ASIC2: variants seen among roughly 807,000 people sequenced by gnomAD.
ASIC2 encodes the protein acid sensing ion channel subunit 2.
In ASIC2, 25 loss-of-function variants were observed where a neutral mutation model predicts 57.3. The ratio of observed to expected loss-of-function variants is 0.44; its 90% confidence interval spans 0.32 to 0.61. The LOEUF is 0.61. ASIC2 is among the 20% of genes least tolerant of loss of function. The probability of loss-of-function intolerance (pLI) is 0.06; values close to 1 mark genes in which losing one functional copy is unlikely to be tolerated. For synonymous variants in ASIC2, 319 were observed against 307.5 expected (o/e 1.04, Z -0.39); for missense variants, 641 against 738.1 (o/e 0.87, Z 1.52).
chr17:33,440,596 A>G lies in ASIC2; in HGVS notation c.556-328529T>C, dbSNP rs79240617. 5.1e-3 allele frequency among the ~76,000 whole-genome samples: 772 copies of G among 152,272 alleles called. 25 individuals are homozygous for G. Among genetic ancestry groups the G allele is most frequent in the East Asian group, 0.046 (241 of 5,186 alleles). ...CCACCAGCAAAGAAAGAGGGTTCCA[A>G]TTTCTTCATATCCTCATCAACACGA... On this transcript the variant is annotated intron_variant, in intron 1 of 9. Transcript: ENST00000359872.
At chr17:33,585,841 A>G (rs1326391043) in intron 1 of ASIC2, among the ~76,000 whole-genome samples, 3 of 152,108 alleles carry the variant, frequency 2.0e-5, no homozygotes, top group African/African-American at 7.2e-5. Context: ...CTTTTACTTT[A>G]TTACATATAT....
chr17:33,350,168 G>A (rs1414932382), intron 1 of ASIC2, among the ~76,000 whole-genome samples: 1 of 152,136 alleles, frequency 6.6e-6, no homozygotes, highest in East Asian at 1.9e-4. Flanking sequence ...ATATGACTGA[G>A]GTGCTATGCC....
chr17:33,492,624 C>A (rs1329033253), intron 1 of ASIC2, among the ~76,000 whole-genome samples: 2 of 152,086 alleles, frequency 1.3e-5, no homozygotes, highest in African/African-American at 4.8e-5. Flanking sequence ...AACAGTTGGC[C>A]CTGAGTAATT....
intron 1 of ASIC2, among the ~76,000 whole-genome samples, chr17:33,331,676 A>C (rs559325146): frequency 6.6e-6 from 1 of 152,360 alleles, no homozygotes; most frequent in East Asian, 1.9e-4. Flanking sequence ...CCATATGTTA[A>C]AAAGAGTAGC....
chr17:33,664,531 A>C (rs1046759184), intron 1 of ASIC2, among the ~76,000 whole-genome samples: 3 of 152,206 alleles, frequency 2.0e-5, no homozygotes, highest in Non-Finnish European at 4.4e-5. Context: ...CTCTGATCTA[A>C]AAATGTAAAA....
At chr17:33,360,883 T>C (rs1191834987) in intron 1 of ASIC2, among the ~76,000 whole-genome samples, 1 of 152,192 alleles carries the variant, frequency 6.6e-6, no homozygotes, top group Non-Finnish European at 1.5e-5. Flanking sequence ...CCCTTGCTTT[T>C]AACCAGCTCA....
rs537057630 is a variant in ASIC2 at position 33,873,764 on chromosome 17, G to A, written c.555+282214C>T. Among the ~76,000 whole-genome samples, 102 of 152,298 alleles carry A rather than the reference G, an allele frequency of 6.7e-4. No homozygotes were observed. The South Asian group carries it at 1.0e-2, about 15-fold the overall frequency. ...TTGTGCATAGTTCATCCCACCCCCAGGTACTAGTGATACCTCCAGAGAGAA... is the reference window on the plus strand; with the variant it reads ...TTGTGCATAGTTCATCCCACCCCCAAGTACTAGTGATACCTCCAGAGAGAA... On this transcript the variant is annotated intron_variant, in intron 1 of 9. Transcript: ENST00000359872.
At chr17:33,698,624 T>C (rs563422066) in intron 1 of ASIC2, among the ~76,000 whole-genome samples, 63 of 152,262 alleles carry the variant, frequency 4.1e-4, no homozygotes, top group Non-Finnish European at 6.6e-4. Flanking sequence ...GGTAACTAAA[T>C]TGGGGTGAAT....
intron 1 of ASIC2, among the ~76,000 whole-genome samples, chr17:33,210,740 A>G (rs556571496): frequency 6.6e-6 from 1 of 152,208 alleles, no homozygotes; most frequent in Admixed American, 6.5e-5. Flanking sequence ...TTCATAACAA[A>G]GGGCACACCC....
intron 1 of ASIC2, among the ~76,000 whole-genome samples, chr17:33,837,261 C>T (rs369499790): frequency 1.3e-5 from 2 of 152,300 alleles, no homozygotes; most frequent in South Asian, 4.1e-4. Context: ...GGGACAGTCC[C>T]GAAGGCCTAA....
chr17:33,110,831 A>G (rs2092255157), intron 2 of ASIC2, among the ~76,000 whole-genome samples: 1 of 151,738 alleles, frequency 6.6e-6, no homozygotes, highest in Admixed American at 6.6e-5. Flanking sequence ...CTCAGCCCCA[A>G]CCTGAGGGCC....
At chr17:33,275,702 A>G (rs1471182504) in intron 1 of ASIC2, among the ~76,000 whole-genome samples, 2 of 152,218 alleles carry the variant, frequency 1.3e-5, no homozygotes, top group Non-Finnish European at 2.9e-5. Flanking sequence ...AAATCTGTCT[A>G]TGGAAAAGTG....
chr17:33,096,821 C>G (rs190813752), intron 2 of ASIC2, among the ~76,000 whole-genome samples: 1 of 152,088 alleles, frequency 6.6e-6, no homozygotes, highest in Non-Finnish European at 1.5e-5. Context: ...AGAAAGTGTT[C>G]CAGGTGGAGG....
intron 1 of ASIC2, among the ~76,000 whole-genome samples, chr17:33,800,325 G>C (rs572973431): frequency 6.6e-6 from 1 of 152,256 alleles, no homozygotes; most frequent in South Asian, 2.1e-4. Context: ...TACAATATCA[G>C]TCACACCTTC....
At chr17:33,343,481 A>G (rs1180707532) in intron 1 of ASIC2, among the ~76,000 whole-genome samples, 1 of 151,942 alleles carries the variant, frequency 6.6e-6, no homozygotes, top group Non-Finnish European at 1.5e-5. Context: ...TCACTTTATT[A>G]CTGGTTTTCG....
At position 34,043,869 on chromosome 17, in the gene ASIC2, G is replaced by A. The variant is rs565310780; in HGVS notation, c.555+112109C>T. Among the ~76,000 whole-genome samples, 7 of 152,216 alleles carry A rather than the reference G, an allele frequency of 4.6e-5. 1 individual carries two copies. In the South Asian group the frequency reaches 1.5e-3, roughly 32 times the overall value. Reference sequence around the variant, plus strand: ...CTTGGACAGGGCTGGAACCAAGAGTGCAATTCCCTGCCTTCAGCTGCAGTC... The same window carrying A: ...CTTGGACAGGGCTGGAACCAAGAGTACAATTCCCTGCCTTCAGCTGCAGTC... On this transcript the variant is annotated intron_variant, in intron 1 of 9. Transcript: ENST00000359872.
intron 1 of ASIC2, among the ~76,000 whole-genome samples, chr17:33,460,762 A>G (rs1912608378): frequency 6.6e-6 from 1 of 152,200 alleles, no homozygotes; most frequent in South Asian, 2.1e-4. Flanking sequence ...AATCCATTTT[A>G]CAGGTGAGAA....
intron 1 of ASIC2, among the ~76,000 whole-genome samples, chr17:33,741,002 C>T (rs1399469337): frequency 1.3e-5 from 2 of 152,184 alleles, no homozygotes; most frequent in Non-Finnish European, 2.9e-5. Flanking sequence ...ATTACCTCCT[C>T]CAGTATACCT....
chr17:33,965,828 G>A (rs1032915056), intron 1 of ASIC2, among the ~76,000 whole-genome samples: 1 of 152,212 alleles, frequency 6.6e-6, no homozygotes, highest in Admixed American at 6.5e-5. Context: ...GAAGTAGCAG[G>A]AGATCTGGGG....
Sources: allele counts gnomAD v4.1 joint callset (sites outside exome capture counted in the v4.1 genomes callset), GRCh38; gene constraint gnomAD v4.1.1; transcripts MANE v1.5; gene names NCBI Gene and HGNC (gene_info 2026-07-23, HGNC 2026-07-21).